ITFG1: variants seen among roughly 807,000 people sequenced by gnomAD.
ITFG1 encodes the protein T-cell immunomodulatory protein.
ITFG1 carries 34 observed loss-of-function variants against 81.8 expected under a neutral mutation model. The observed-to-expected ratio is 0.42, with a 90% CI of 0.32 to 0.55. The LOEUF is 0.55. Ranked by LOEUF, ITFG1 falls within the 20% of genes least tolerant of loss-of-function variation. The probability of loss-of-function intolerance (pLI) is 0.17; values close to 1 mark genes in which losing one functional copy is unlikely to be tolerated. For synonymous variants in ITFG1, 285 were observed against 270.6 expected, an observed-to-expected ratio of 1.05 and a Z score of -0.52; for missense variants, 672 against 755.4, an observed-to-expected ratio of 0.89 and a Z score of 1.29.
In ITFG1 at chr16:47,252,402, T is replaced by G. The variant is rs949058684; in HGVS notation, c.1330+6230A>C. Among the ~76,000 whole-genome samples, 6 of 152,376 alleles carry G rather than the reference T, an allele frequency of 3.9e-5. No homozygotes were observed. The East Asian group carries it at 1.2e-3, about 29-fold the overall frequency. On this transcript the variant is annotated intron_variant, in intron 12 of 17. Transcript: ENST00000320640. ...GCTTTCCCAAAGGAAAGGTCTCATC[T>G]TGTTTGGTAAACAAAGGTGAAGATA...
chr16:47,422,432 G>A (rs1322981649), intron 6 of ITFG1, among the ~76,000 whole-genome samples: 3 of 152,158 alleles, frequency 2.0e-5, no homozygotes, highest in African/African-American at 7.2e-5. Context: ...TGTTCATCAG[G>A]GATATTGGCC....
intron 13 of ITFG1, among the ~76,000 whole-genome samples, chr16:47,231,367 G>A (rs1034081259): frequency 6.6e-6 from 1 of 151,762 alleles, no homozygotes; most frequent in African/African-American, 2.4e-5. Flanking sequence ...CTTATACTGA[G>A]AATAAAAGAT....
chr16:47,441,165 T>G (rs2151614562), intron 5 of ITFG1, among the ~76,000 whole-genome samples: 1 of 152,114 alleles, frequency 6.6e-6, no homozygotes, highest in East Asian at 1.9e-4. Flanking sequence ...AATAACAGGC[T>G]CTGAAATTGA....
chr16:47,253,704 T>C (rs1356230648), intron 12 of ITFG1, among the ~76,000 whole-genome samples: 2 of 152,188 alleles, frequency 1.3e-5, no homozygotes, highest in South Asian at 2.1e-4. Flanking sequence ...CAGTTCACAA[T>C]AGGCGTCGTG....
At chr16:47,323,951 A>G (rs1967488977) in intron 8 of ITFG1, among the ~76,000 whole-genome samples, 5 of 152,190 alleles carry the variant, frequency 3.3e-5, no homozygotes, top group Admixed American at 3.3e-4. Context: ...CTCTATGGCT[A>G]TTGTTTTATA....
intron 5 of ITFG1, among the ~76,000 whole-genome samples, chr16:47,433,857 AATATATATATATATATATATAT>A (rs4038737): frequency 0.052 from 1,998 of 38,384 alleles, 89 homozygotes; most frequent in African/African-American, 0.11. Context: ...ATAAAAACTG[AATATATATATATATATATATAT>A]ATATATATAT....
intron 6 of ITFG1, among the ~76,000 whole-genome samples, chr16:47,380,817 G>T (rs936437275): frequency 6.6e-6 from 1 of 152,158 alleles, no homozygotes; most frequent in Non-Finnish European, 1.5e-5. Context: ...AATGATAGCT[G>T]ATATCACTGG....
intron 1 of ITFG1, 119 bp downstream of exon 1, chr16:47,460,719 C>T: frequency 9.0e-7 from 1 of 1,111,380 alleles, no homozygotes. Flanking sequence ...GGGAAGGCCA[C>T]AGGGCTGGGA....
At chr16:47,325,451 G>A (rs1967521294) in intron 8 of ITFG1, among the ~76,000 whole-genome samples, 1 of 152,146 alleles carries the variant, frequency 6.6e-6, no homozygotes, top group Non-Finnish European at 1.5e-5. Context: ...AAAGCTAGCA[G>A]AAGGCAAGAA....
chr16:47,177,746 A>C (rs1965048648), intron 14 of ITFG1, among the ~76,000 whole-genome samples: 1 of 152,244 alleles, frequency 6.6e-6, no homozygotes, highest in African/African-American at 2.4e-5. Flanking sequence ...CCCAGGGACC[A>C]CCTTTTAAAT....
intron 8 of ITFG1, among the ~76,000 whole-genome samples, chr16:47,337,547 G>A (rs545310551): frequency 6.6e-6 from 1 of 152,314 alleles, no homozygotes; most frequent in African/African-American, 2.4e-5. Flanking sequence ...TCCAGCCTGG[G>A]TGACAGAGTG....
At position 47,311,265 on chromosome 16, in the gene ITFG1, C is replaced by A; in HGVS notation, c.1045G>T (p.Val349Phe). The A allele has an allele frequency of 6.2e-7, 1 of 1,611,466 alleles. No individual in the cohort carries two copies. Among genetic ancestry groups the A allele is most frequent in the Non-Finnish European group, 8.5e-7 (1 of 1,178,412 alleles). ...CTTCCAGATGTGTTCTTTAGTATGACCAGAGCGTCTGGATAGCCATCCATA... is the reference window on the plus strand; with the variant it reads ...CTTCCAGATGTGTTCTTTAGTATGAACAGAGCGTCTGGATAGCCATCCATA... ...YNMDGYPDAL[V>F]ILKNTSGSNQ... The change falls in exon 10 of 18, where the codon GTC becomes TTC. Residue 349 changes from valine (V) to phenylalanine (F), a missense_variant. By Grantham distance (50) the Val-to-Phe change is conservative (BLOSUM62 -1). This residue lies in a region of ITFG1 where 560 missense variants were observed against 625.7 expected (regional missense o/e 0.90). Transcript: ENST00000320640.
At chr16:47,384,000 A>G (rs1277132276) in intron 6 of ITFG1, among the ~76,000 whole-genome samples, 1 of 152,214 alleles carries the variant, frequency 6.6e-6, no homozygotes, top group Non-Finnish European at 1.5e-5. Context: ...TGAGAGAAAC[A>G]TTTTTGACAG....
At chr16:47,443,978 A>C (rs1225092206) in intron 5 of ITFG1, among the ~76,000 whole-genome samples, 1 of 152,196 alleles carries the variant, frequency 6.6e-6, no homozygotes, top group Non-Finnish European at 1.5e-5. Flanking sequence ...TTCAATTTAC[A>C]GAAAATATCT....
chr16:47,294,779 C>G (rs903176461), intron 10 of ITFG1, among the ~76,000 whole-genome samples: 3 of 152,090 alleles, frequency 2.0e-5, no homozygotes, highest in African/African-American at 4.8e-5. Context: ...GAGGATTTTT[C>G]TAGGTGTTAG....
At chr16:47,287,639 G>C (rs994855640) in intron 10 of ITFG1, among the ~76,000 whole-genome samples, 13 of 152,176 alleles carry the variant, frequency 8.5e-5, no homozygotes, top group Non-Finnish European at 1.5e-4. Flanking sequence ...CTGGGCTCAA[G>C]CAATTCCCTC....
At chr16:47,312,850 A>G (rs1399127964) in intron 9 of ITFG1, 2 of 152,248 alleles carry the variant, frequency 1.3e-5, no homozygotes, top group African/African-American at 4.8e-5. Context: ...AGATGACTGT[A>G]TAATTTGAAA....
intron 13 of ITFG1, among the ~76,000 whole-genome samples, chr16:47,233,146 C>G (rs1298786839): frequency 6.6e-6 from 1 of 152,106 alleles, no homozygotes; most frequent in Non-Finnish European, 1.5e-5. Context: ...ATGTAAAGTT[C>G]CTTAATGTTG....
At chr16:47,406,046 C>T (rs1214000704) in intron 6 of ITFG1, among the ~76,000 whole-genome samples, 1 of 152,184 alleles carries the variant, frequency 6.6e-6, no homozygotes, top group African/African-American at 2.4e-5. Flanking sequence ...CTTTGTCTCT[C>T]TGGTGCCCCT....
Sources: gnomAD v4.1 joint callset for allele counts (sites outside exome capture counted in the v4.1 genomes callset) on GRCh38, gnomAD v4.1.1 for gene constraint, gnomAD v4.1.1 regional missense constraint, MANE v1.5 for transcripts, NCBI Gene and HGNC (gene_info 2026-07-23, HGNC 2026-07-21) for gene names.